Variants in DNHD1 observed in about 807,000 individuals in gnomAD.
The protein encoded by DNHD1 is dynein heavy chain domain 1.
A neutral mutation model predicts 458.1 loss-of-function variants in DNHD1; 383 were observed. The ratio of observed to expected loss-of-function variants is 0.84; its 90% CI spans 0.77 to 0.91. The LOEUF is 0.91. Among genes scored for constraint, DNHD1 ranks in the 40% least tolerant of loss-of-function variants. DNHD1 has a pLI of 0.00. For missense variants in DNHD1, 5,336 were observed against 5,866.1 expected (o/e 0.91, Z 2.95); for synonymous variants, 2,203 against 2,376.9 (o/e 0.93, Z 2.13).
In DNHD1 at chr11:6,571,517, GT is replaced by G. The variant is rs1853851574; in HGVS notation, c.13911+95del. ...CCCCTTCTTGGTGATCTTGCCCCCG[GT>G]AACCCTGCTAGCTTCTCCGATCTCG... On this transcript the variant is annotated intron_variant, in intron 42 of 42. Transcript: ENST00000254579. This position sits in a 1 kb window ranked among gnomAD's most constrained non-coding sequence, Gnocchi z 5.0. 2.7e-6 allele frequency: 4 copies of G among 1,463,182 alleles called. No individual in the cohort carries two copies. Among genetic ancestry groups the G allele is most frequent in the Admixed American group, 4.8e-5 (2 of 41,636 alleles). 90.6% of individuals were successfully genotyped at this position (1,463,182 alleles called of 1,614,324 possible). A position where few individuals can be genotyped will look rare whatever the true frequency, so the allele number is the denominator to read the frequency against.
intron 36 of DNHD1, 65 bp downstream of exon 36, chr11:6,567,925 C>A: frequency 6.7e-7 from 1 of 1,492,448 alleles, no homozygotes; most frequent in East Asian, 2.4e-5. Flanking sequence ...TGGGGGACCC[C>A]CTCCAAGCAT....
Position 6,571,707 on chromosome 11 carries a change from G to C in DNHD1, c.13983G>C (p.Ala4661=), listed in dbSNP as rs544585664. ...TGATCGGGCTACAGGTCCTACATGC[G>C]GAGTGGGACCCAATAGCTGGAGCCT... The part of the protein sequence containing the change: ...LLLIGLQVLH[A]EWDPIAGALQ... Residue 4661 remains alanine, a synonymous_variant, in exon 43 of 43, where the codon GCG becomes GCC. Transcript: ENST00000254579. The surrounding 1 kb of genome is among the most constrained non-coding windows in gnomAD (Gnocchi z 5.0). 1.4e-5 allele frequency: 23 copies of C among 1,612,044 alleles called. No homozygotes were observed. The highest frequency in any genetic ancestry group is 2.2e-5 in the East Asian group (1 of 44,812).
intron 14 of DNHD1, among the ~76,000 whole-genome samples, chr11:6,535,875 T>C (rs1446448723): frequency 6.6e-6 from 1 of 152,104 alleles, no homozygotes; most frequent in Non-Finnish European, 1.5e-5. Flanking sequence ...GCACTGTCTT[T>C]GAGAGTTTCT....
intron 7 of DNHD1, among the ~76,000 whole-genome samples, chr11:6,517,788 A>G (rs1421543572): frequency 6.6e-6 from 1 of 151,142 alleles, no homozygotes; most frequent in East Asian, 2.0e-4. Context: ...TCAGATTTCA[A>G]AATATGAATT....
intron 11 of DNHD1, 39 bp from the exon 12 acceptor site, chr11:6,528,839 G>C (rs1215528173): frequency 4.5e-6 from 7 of 1,550,246 alleles, no homozygotes; most frequent in Non-Finnish European, 8.7e-7. Context: ...TCCCATTATA[G>C]CCGCATGCCT....
intron 10 of DNHD1, among the ~76,000 whole-genome samples, chr11:6,523,777 AG>A (rs1284508986): frequency 2.0e-5 from 3 of 152,150 alleles, no homozygotes; most frequent in Non-Finnish European, 4.4e-5. Context: ...ACTTGAGGCC[AG>A]GAGTTTGAGG....
chr11:6,502,448 G>A (rs1852155947), intron 3 of DNHD1, among the ~76,000 whole-genome samples: 1 of 152,228 alleles, frequency 6.6e-6, no homozygotes, highest in South Asian at 2.1e-4. Context: ...ACAGTATTAT[G>A]TAATACTGAC....
In DNHD1 at chr11:6,563,910, T is replaced by C. The variant is rs1853637081; in HGVS notation, c.10070T>C (p.Leu3357Pro). The change falls in exon 31 of 43, where the codon CTC (leucine) becomes CCC (proline). Residue 3357 changes from leucine to proline, a missense_variant. Transcript: ENST00000254579. Reference protein sequence around the residue: ...DLLLQQVEATLTREQARLGYY... With the variant: ...DLLLQQVEATPTREQARLGYY... ...CTGCTGCAGCAAGTGGAGGCAACAC[T>C]CACTCGGGAGCAGGCCCGCCTGGGC... 8 of 1,551,668 alleles carry C rather than the reference T, an allele frequency of 5.2e-6. No homozygotes were observed. Among genetic ancestry groups the C allele is most frequent in the Non-Finnish European group, 7.0e-6 (8 of 1,146,990 alleles).
At position 6,557,128 on chromosome 11, in the gene DNHD1, AGGTTTTGT is replaced by A; in HGVS notation, c.7836_7843del (p.Phe2613LeufsTer35). The A allele has an allele frequency of 1.3e-6, 2 of 1,551,628 alleles. No homozygotes were observed. Among genetic ancestry groups the A allele is most frequent in the Non-Finnish European group, 1.7e-6 (2 of 1,147,002 alleles). ...TGCTGCCCAACAGAACAGGCTCCCG[AGGTTTTGT>A]GGACTATCCCAACCACCAGGAGCAC... On this transcript the variant is annotated frameshift_variant, in exon 25 of 43. Transcript: ENST00000254579. LOFTEE classifies it high-confidence loss of function.
At position 6,528,865 on chromosome 11, in the gene DNHD1, T is replaced by G; in HGVS notation, c.2104-13T>G. ...CCGCATGCCTCTGCCCTAAACACCTTGTCTGCCCTTAGGGCGTGCTGTGCA... is the reference window on the plus strand; with the variant it reads ...CCGCATGCCTCTGCCCTAAACACCTGGTCTGCCCTTAGGGCGTGCTGTGCA... On this transcript the variant is annotated splice_polypyrimidine_tract_variant and intron_variant, in intron 11 of 42. Transcript: ENST00000254579. The G allele has an allele frequency of 1.9e-6, 3 of 1,551,446 alleles. No homozygotes were observed. Among genetic ancestry groups the G allele is most frequent in the Non-Finnish European group, 1.7e-6 (2 of 1,146,822 alleles).
chr11:6,565,786 C>T lies in DNHD1; in HGVS notation c.10848C>T (p.Asp3616=). ...DESEESNEAE[D]QTKEQKAEER... ...GTGAAGAGAGTAATGAGGCTGAGGA[C>T]CAGACAAAAGAGCAGAAGGCAGAGG... Residue 3616 remains aspartate (D), a synonymous_variant, in exon 33 of 43, where the codon GAC becomes GAT. Transcript: ENST00000254579. 6.4e-7 allele frequency: 1 copy of T among 1,551,194 alleles called. No individual in the cohort carries two copies. The highest frequency in any genetic ancestry group is 8.7e-7 in the Non-Finnish European group (1 of 1,146,930).
intron 24 of DNHD1, among the ~76,000 whole-genome samples, chr11:6,551,815 C>T (rs947896551): frequency 5.3e-5 from 8 of 152,110 alleles, no homozygotes; most frequent in Non-Finnish European, 1.5e-5. Flanking sequence ...GTGGCATGTA[C>T]CTGTAATCAC....
At chr11:6,526,337 C>A (rs1852711030) in intron 10 of DNHD1, among the ~76,000 whole-genome samples, 2 of 151,914 alleles carry the variant, frequency 1.3e-5, no homozygotes, top group Non-Finnish European at 2.9e-5. Context: ...CCTCTCATGA[C>A]TTCTATCATT....
Position 6,547,318 on chromosome 11 carries a change from G to A in DNHD1, c.6379G>A (p.Glu2127Lys). The change falls in exon 21 of 43, where the codon GAG (glutamate) becomes AAG (lysine). Residue 2127 changes from glutamate to lysine, a missense_variant. Physicochemically the swap from Glu to Lys is moderately conservative, Grantham distance 56 (BLOSUM62 1). This residue lies in a region of DNHD1 where 3,932 missense variants were observed against 4,365.6 expected (regional missense o/e 0.90). Transcript: ENST00000254579. Reference sequence around the variant, plus strand: ...ACCCCCAGGCACCTTTCTCTTGATGGAGGTGGCTGACACAACAGGCATATC... The same window carrying A: ...ACCCCCAGGCACCTTTCTCTTGATGAAGGTGGCTGACACAACAGGCATATC... Reference protein sequence around the residue: ...ARPPGTFLLMEVADTTGISPT... With the variant: ...ARPPGTFLLMKVADTTGISPT... The A allele has an allele frequency of 6.4e-7, 1 of 1,551,832 alleles. No individual in the cohort carries two copies. Among genetic ancestry groups the A allele is most frequent in the Non-Finnish European group, 8.7e-7 (1 of 1,147,014 alleles).
Position 6,559,105 on chromosome 11 carries a change from C to T in DNHD1, c.9415C>T (p.Arg3139Trp), listed in dbSNP as rs533109010. The change falls in exon 27 of 43, where the codon CGG (arginine) becomes TGG (tryptophan). Residue 3139 changes from arginine (R) to tryptophan (W), a missense_variant and splice_region_variant. Physicochemically the swap from Arg to Trp is moderately radical, Grantham distance 101. This residue lies in a region of DNHD1 where 3,932 missense variants were observed against 4,365.6 expected (regional missense o/e 0.90). Transcript: ENST00000254579. Reference sequence around the variant, plus strand: ...CCTGAAGATTAAGAACAAGGCCCAGCGGTGAGTGTCCCGTCCCCTGCAGTG... The same window carrying T: ...CCTGAAGATTAAGAACAAGGCCCAGTGGTGAGTGTCCCGTCCCCTGCAGTG... ...TILKIKNKAQRVQNALENLRM... is the reference protein window; with the variant it reads ...TILKIKNKAQWVQNALENLRM... 35 of 1,551,700 alleles carry T rather than the reference C, an allele frequency of 2.3e-5. No homozygotes were observed. The highest frequency in any genetic ancestry group is 9.5e-5 in the South Asian group (8 of 84,040).
chr11:6,523,458 A>G (rs750120462), intron 10 of DNHD1, among the ~76,000 whole-genome samples: 33 of 152,170 alleles, frequency 2.2e-4, no homozygotes, highest in Non-Finnish European at 4.7e-4. Flanking sequence ...GAGGAGTCAT[A>G]TAAATATGTT....
At chr11:6,499,965 A>ATTT (rs11361429) in intron 3 of DNHD1, among the ~76,000 whole-genome samples, 2 of 142,596 alleles carry the variant, frequency 1.4e-5, no homozygotes, top group Non-Finnish European at 3.0e-5. Context: ...CTAACTTTCG[A>ATTT]TTTTTTTTTT....
At chr11:6,560,706 C>A (rs953962282) in intron 28 of DNHD1, among the ~76,000 whole-genome samples, 2 of 152,088 alleles carry the variant, frequency 1.3e-5, no homozygotes, top group Admixed American at 1.3e-4. Context: ...CATTCAATAG[C>A]CATAATAGTG....
intron 12 of DNHD1, among the ~76,000 whole-genome samples, 173 bp from the exon 13 acceptor site, chr11:6,532,854 G>C (rs148194952): frequency 1.5e-3 from 232 of 152,230 alleles, no homozygotes; most frequent in African/African-American, 5.3e-3. Flanking sequence ...ATAGAGCACA[G>C]TCCCCAGTGC....
Sources: allele counts gnomAD v4.1 joint callset (sites outside exome capture counted in the v4.1 genomes callset), GRCh38; gene constraint gnomAD v4.1.1; regional missense constraint gnomAD v4.1.1; non-coding constraint Gnocchi (gnomAD v3.1); transcripts MANE v1.5; gene names NCBI Gene and HGNC (gene_info 2026-07-23, HGNC 2026-07-21).